Variants in THSD7B observed in about 807,000 individuals in gnomAD.
The protein encoded by THSD7B is thrombospondin type 1 domain containing 7B.
THSD7B carries 138 observed loss-of-function variants against 213.6 expected under a neutral mutation model. That is an observed-to-expected ratio of 0.65 (90% confidence interval 0.56 to 0.74). THSD7B has a LOEUF of 0.74. Among genes scored for constraint, THSD7B ranks in the 30% least tolerant of loss-of-function variants. The probability of loss-of-function intolerance (pLI) is 0.00; values close to 1 mark genes in which losing one functional copy is unlikely to be tolerated. For missense variants in THSD7B, 1,931 were observed against 1,991.5 expected (o/e 0.97, Z 0.58); for synonymous variants, 742 against 687.0 (o/e 1.08, Z -1.25).
intron 15 of THSD7B, among the ~76,000 whole-genome samples, chr2:137,466,225 G>A (rs1687987978): frequency 6.6e-6 from 1 of 152,140 alleles, no homozygotes; most frequent in Non-Finnish European, 1.5e-5. Context: ...AAATATTTTG[G>A]AAGACTTTAA....
chr2:137,450,682 T>C (rs1417036326), intron 14 of THSD7B, among the ~76,000 whole-genome samples, 163 bp from the exon 15 acceptor site: 1 of 152,236 alleles, frequency 6.6e-6, no homozygotes, highest in Non-Finnish European at 1.5e-5. Context: ...GCAGATGTCA[T>C]ATTTATTTCT....
At chr2:136,975,799 T>A (rs759498481) in intron 2 of THSD7B, among the ~76,000 whole-genome samples, 1 of 152,238 alleles carries the variant, frequency 6.6e-6, no homozygotes, top group Non-Finnish European at 1.5e-5. Context: ...TTTATGATAT[T>A]GATTCTTCCT....
chr2:137,146,887 A>G (rs187745830), intron 5 of THSD7B, among the ~76,000 whole-genome samples: 1 of 152,314 alleles, frequency 6.6e-6, no homozygotes, highest in African/African-American at 2.4e-5. Flanking sequence ...TCAGTTGCTA[A>G]GAGATTGGCC....
chr2:137,589,182 C>T (rs1234434009), intron 17 of THSD7B, among the ~76,000 whole-genome samples: 2 of 152,142 alleles, frequency 1.3e-5, no homozygotes, highest in Non-Finnish European at 1.5e-5. Flanking sequence ...TGGCTATTTA[C>T]ATTTCTTATT....
intron 14 of THSD7B, among the ~76,000 whole-genome samples, chr2:137,435,135 A>G (rs1300747564): frequency 9.9e-5 from 15 of 151,996 alleles, no homozygotes; most frequent in African/African-American, 3.4e-4. Context: ...TACATTCTGG[A>G]TTTCTCATTA....
chr2:137,309,764 T>C (rs892590583), intron 12 of THSD7B, among the ~76,000 whole-genome samples: 1 of 152,080 alleles, frequency 6.6e-6, no homozygotes, highest in African/African-American at 2.4e-5. Flanking sequence ...TGTTTGGTTT[T>C]TTGTTCTTGG....
intron 14 of THSD7B, among the ~76,000 whole-genome samples, chr2:137,430,706 A>C (rs1272806057): frequency 6.6e-6 from 1 of 152,228 alleles, no homozygotes; most frequent in East Asian, 1.9e-4. Flanking sequence ...TCAGAAAGGT[A>C]ATTCTGACTT....
At position 137,197,936 on chromosome 2, in the gene THSD7B, G is replaced by A. The variant is rs140096565; in HGVS notation, c.1723+26998G>A. 7.0e-4 allele frequency among the ~76,000 whole-genome samples: 106 copies of A among 152,242 alleles called. 2 individuals are homozygous for A. In the East Asian group the frequency reaches 0.014, roughly 21 times the overall value. On this transcript the variant is annotated intron_variant, in intron 7 of 27. Transcript: ENST00000409968. Reference sequence around the variant, plus strand: ...AATGACCTGGACAATTTCCTATTCCGCACACACTCATGCACACGTGTATGC... The same window carrying A: ...AATGACCTGGACAATTTCCTATTCCACACACACTCATGCACACGTGTATGC...
At chr2:137,664,249 C>A (rs2104824451) in intron 26 of THSD7B, among the ~76,000 whole-genome samples, 1 of 152,246 alleles carries the variant, frequency 6.6e-6, no homozygotes, top group Admixed American at 6.5e-5. Flanking sequence ...TGGAATAGAA[C>A]CTCAAGAACT....
intron 6 of THSD7B, among the ~76,000 whole-genome samples, chr2:137,166,645 C>A (rs549095303): frequency 6.6e-6 from 1 of 152,270 alleles, no homozygotes; most frequent in South Asian, 2.1e-4. Context: ...TGAAGACAGT[C>A]TTTTATGCTC....
rs34604281 is a variant in THSD7B at position 137,605,648 on chromosome 2, C to CTTTTTTTTTTTT, written c.3424-10499_3424-10488dup. Among the ~76,000 whole-genome samples the CTTTTTTTTTTTT allele has an allele frequency of 3.8e-4, 26 of 69,016 alleles. 5 individuals are homozygous for CTTTTTTTTTTTT. The highest frequency in any genetic ancestry group is 1.0e-3 in the African/African-American group (18 of 17,590). 45.3% of individuals were successfully genotyped at this position (69,016 alleles called of 152,430 possible). A position where few individuals can be genotyped will look rare whatever the true frequency, so the allele number is the denominator to read the frequency against. On this transcript the variant is annotated intron_variant, in intron 17 of 27. Transcript: ENST00000409968. ...AAAAAGCATATATTGGCACTTCGCA[C>CTTTTTTTTTTTT]TTTTTTTTTTTTTTTTTTTTTTTTT...
chr2:137,058,772 G>A (rs1443716571), intron 3 of THSD7B, among the ~76,000 whole-genome samples: 1 of 152,092 alleles, frequency 6.6e-6, no homozygotes, highest in African/African-American at 2.4e-5. Flanking sequence ...GATGGGATTA[G>A]TGCGCCATGA....
chr2:137,200,611 C>T (rs1177815771), intron 7 of THSD7B, among the ~76,000 whole-genome samples: 1 of 152,052 alleles, frequency 6.6e-6, no homozygotes, highest in Non-Finnish European at 1.5e-5. Flanking sequence ...CTGAACCTCT[C>T]CTGCCCCATC....
intron 3 of THSD7B, among the ~76,000 whole-genome samples, chr2:137,069,089 G>T (rs1346224444): frequency 3.3e-5 from 5 of 151,906 alleles, no homozygotes; most frequent in African/African-American, 1.2e-4. Context: ...TTTGCTTCTT[G>T]TGCTTAAAGA....
intron 17 of THSD7B, among the ~76,000 whole-genome samples, chr2:137,589,612 C>T (rs1481070110): frequency 6.6e-6 from 1 of 152,068 alleles, no homozygotes. Context: ...TTTCATGTTT[C>T]TATTCACTTC....
At chr2:136,842,153 G>T (rs1448821721) in intron 1 of THSD7B, among the ~76,000 whole-genome samples, 1 of 152,086 alleles carries the variant, frequency 6.6e-6, no homozygotes, top group Admixed American at 6.6e-5. Context: ...TTGCACTCTT[G>T]CATTATCACT....
intron 1 of THSD7B, among the ~76,000 whole-genome samples, chr2:136,836,642 T>C (rs1297255337): frequency 2.0e-5 from 3 of 152,196 alleles, no homozygotes; most frequent in Non-Finnish European, 4.4e-5. Flanking sequence ...ACTACTCCAC[T>C]TATCTAACTA....
intron 2 of THSD7B, among the ~76,000 whole-genome samples, chr2:136,966,177 G>A (rs1225962345): frequency 6.6e-6 from 1 of 151,882 alleles, no homozygotes; most frequent in Non-Finnish European, 1.5e-5. Flanking sequence ...GCTGGTTTTA[G>A]CTTTTCCCCT....
chr2:137,511,852 T>C (rs1328197877), intron 15 of THSD7B, among the ~76,000 whole-genome samples: 1 of 152,162 alleles, frequency 6.6e-6, no homozygotes, highest in African/African-American at 2.4e-5. Context: ...TTTTTACATT[T>C]CCCTAACTTC....
Sources: gnomAD v4.1 joint callset for allele counts (sites outside exome capture counted in the v4.1 genomes callset) on GRCh38, gnomAD v4.1.1 for gene constraint, MANE v1.5 for transcripts, NCBI Gene and HGNC (gene_info 2026-07-23, HGNC 2026-07-21) for gene names.